The following PLXDC2 variants were observed in gnomAD, a reference collection of about 807,000 sequenced individuals.
PLXDC2 encodes the protein plexin domain containing 2, also known as plexin domain-containing protein 2.
In PLXDC2, 40 loss-of-function variants were observed where a neutral mutation model predicts 68.9. The ratio of observed to expected loss-of-function variants is 0.58; its 90% CI spans 0.45 to 0.76. The LOEUF (loss-of-function observed/expected upper bound fraction) is 0.76, where lower values mean the gene tolerates loss of function less well. PLXDC2 is among the 30% of genes least tolerant of loss of function. The pLI, the probability that PLXDC2 is intolerant of heterozygous loss-of-function variation, is 0.00. For synonymous variants in PLXDC2, 243 were observed against 234.2 expected, an observed-to-expected ratio of 1.04 and a Z score of -0.34; for missense variants, 644 against 661.9, an observed-to-expected ratio of 0.97 and a Z score of 0.30.
chr10:19,907,884 C>G (rs1397893291), intron 1 of PLXDC2, among the ~76,000 whole-genome samples: 1 of 152,188 alleles, frequency 6.6e-6, no homozygotes, highest in South Asian at 2.1e-4. Flanking sequence ...TTCAGAAAGT[C>G]TGTCGGCAAA....
chr10:20,251,017 T>G (rs1723625438), intron 13 of PLXDC2, among the ~76,000 whole-genome samples: 1 of 152,200 alleles, frequency 6.6e-6, no homozygotes, highest in Non-Finnish European at 1.5e-5. Flanking sequence ...AATGAGATAA[T>G]TAAGCAAATC....
At chr10:20,113,796 C>T (rs1833587921) in intron 4 of PLXDC2, among the ~76,000 whole-genome samples, 2 of 152,112 alleles carry the variant, frequency 1.3e-5, no homozygotes, top group African/African-American at 2.4e-5. Context: ...AGAAAACATT[C>T]TCCTTAATGT....
intron 4 of PLXDC2, among the ~76,000 whole-genome samples, chr10:20,083,469 TCC>T: frequency 1.2e-5 from 1 of 81,420 alleles, no homozygotes; most frequent in South Asian, 4.6e-4. Context: ...AGAGCGAGAC[TCC>T]GTCTCAAAAA....
rs188836671 is a variant in PLXDC2, at chr10:19,848,799, G to C, written c.112+31608G>C. Among the ~76,000 whole-genome samples the C allele has an allele frequency of 2.0e-5, 3 of 152,036 alleles. No individual in the cohort carries two copies. In the East Asian group the frequency reaches 5.8e-4, roughly 29 times the overall value. ...TGAATTTCATGAAGTGATGCTGTTT[G>C]CCTGTAAGGGTTTTGGAAGGGGAGG... On this transcript the variant is annotated intron_variant, in intron 1 of 13. Coordinates refer to ENST00000377252, the MANE Select transcript of PLXDC2 (RefSeq NM_032812.9).
In PLXDC2 at chr10:20,289,266, A is replaced by AGT; in HGVS notation, c.*9453_*9454dup. 6.6e-6 allele frequency: 1 copy of AGT among 152,208 alleles called. No individual in the cohort carries two copies. Among genetic ancestry groups the AGT allele is most frequent in the Admixed American group, 6.5e-5 (1 of 15,276 alleles). The allele number at this position is 152,208 out of a possible 1,614,324, so 9.4% of individuals were successfully genotyped here. A position where few individuals can be genotyped will look rare whatever the true frequency, so the allele number is the denominator to read the frequency against. On this transcript the variant is annotated 3_prime_UTR_variant, in exon 14 of 14. Transcript: ENST00000377252. ...GAAAACAAAGATTTCAGGATTGCAC[A>AGT]GTGTGTGGGCAATGGGATGGAGACT...
In PLXDC2 at chr10:20,284,312, C is replaced by CATATATATATATACATATATATAT. The variant is rs1348129132; in HGVS notation, c.*4506_*4507insCATATATATATATATATATATATA. ...GTGAGACCCATCTCTATCAAATATA[C>CATATATATATATACATATATATAT]ATATATATATATATATATACACACA... On this transcript the variant is annotated 3_prime_UTR_variant, in exon 14 of 14. Transcript: ENST00000377252. 132 of 125,244 alleles carry CATATATATATATACATATATATAT rather than the reference C, an allele frequency of 1.1e-3. No individual in the cohort carries two copies. Among genetic ancestry groups the CATATATATATATACATATATATAT allele is most frequent in the African/African-American group, 3.9e-3 (121 of 31,422 alleles). 7.8% of individuals were successfully genotyped at this position (125,244 alleles called of 1,614,324 possible).
rs144021316 is a variant in PLXDC2, at chr10:20,243,746, C to T, written c.1313-1599C>T. ...ACATAGAGGCAAATGGTAAAAATAA[C>T]GAAGAGGTAAATTGGTCATGAAATT... On this transcript the variant is annotated intron_variant, in intron 12 of 13. Coordinates refer to ENST00000377252, the MANE Select transcript of PLXDC2 (RefSeq NM_032812.9). 2.6e-4 allele frequency among the ~76,000 whole-genome samples: 39 copies of T among 152,058 alleles called. No homozygotes were observed. In the East Asian group the frequency reaches 5.2e-3, roughly 20 times the overall value.
intron 5 of PLXDC2, among the ~76,000 whole-genome samples, chr10:20,146,606 C>A (rs1036389710): frequency 7.0e-6 from 1 of 143,330 alleles, no homozygotes; most frequent in South Asian, 2.4e-4. Context: ...TCTTCACTCA[C>A]AGCAGTGATA....
At chr10:20,249,989 C>T (rs1001803390) in intron 13 of PLXDC2, among the ~76,000 whole-genome samples, 4 of 151,960 alleles carry the variant, frequency 2.6e-5, no homozygotes, top group Non-Finnish European at 4.4e-5. Flanking sequence ...GATGCTAGGC[C>T]GGGAGCGGTG....
At chr10:19,827,720 G>A (rs779798071) in intron 1 of PLXDC2, among the ~76,000 whole-genome samples, 12 of 151,758 alleles carry the variant, frequency 7.9e-5, no homozygotes, top group African/African-American at 2.2e-4. Context: ...CACCACACCC[G>A]GCTAATTTGT....
intron 1 of PLXDC2, among the ~76,000 whole-genome samples, chr10:19,851,432 C>T (rs1454048492): frequency 6.6e-6 from 1 of 152,192 alleles, no homozygotes; most frequent in Admixed American, 6.5e-5. Context: ...GTTTTAGTAC[C>T]TCTCTTGTCA....
chr10:20,182,445 C>T (rs1218162337), intron 9 of PLXDC2, among the ~76,000 whole-genome samples: 1 of 151,898 alleles, frequency 6.6e-6, no homozygotes, highest in Admixed American at 6.6e-5. Flanking sequence ...AAATTTGGTC[C>T]TTTTAATAGC....
chr10:20,187,677 C>G (rs1448798383), intron 9 of PLXDC2, among the ~76,000 whole-genome samples: 1 of 151,768 alleles, frequency 6.6e-6, no homozygotes, highest in African/African-American at 2.4e-5. Flanking sequence ...TTTTAGAAAA[C>G]ATCATCAAAA....
intron 1 of PLXDC2, among the ~76,000 whole-genome samples, chr10:19,945,171 A>C (rs1284809566): frequency 6.6e-6 from 1 of 152,184 alleles, no homozygotes; most frequent in Non-Finnish European, 1.5e-5. Context: ...GCTTTATGCC[A>C]AACTTAATTT....
chr10:20,008,567 T>A (rs962374386), intron 2 of PLXDC2, among the ~76,000 whole-genome samples: 10 of 151,948 alleles, frequency 6.6e-5, no homozygotes, highest in African/African-American at 2.4e-4. Context: ...AAAATAAAAA[T>A]AAAAAATGTG....
chr10:19,865,987 C>T (rs1334711618), intron 1 of PLXDC2, among the ~76,000 whole-genome samples: 1 of 152,166 alleles, frequency 6.6e-6, no homozygotes, highest in Non-Finnish European at 1.5e-5. Flanking sequence ...CACAAATTCA[C>T]ACTTTCCCCC....
At chr10:20,045,472 T>C (rs1389358164) in intron 2 of PLXDC2, among the ~76,000 whole-genome samples, 2 of 152,130 alleles carry the variant, frequency 1.3e-5, no homozygotes, top group Non-Finnish European at 2.9e-5. Context: ...TGCTAGGGTC[T>C]TCATTACATA....
chr10:20,176,954 A>G lies in PLXDC2; in HGVS notation c.884-45A>G, dbSNP rs774296301. On this transcript the variant is annotated intron_variant, in intron 7 of 13. Coordinates refer to ENST00000377252, the MANE Select transcript of PLXDC2 (RefSeq NM_032812.9). Reference sequence around the variant, plus strand: ...ATTATTAAAATGCTGTTGTTTTGTAAGCGAGGAAAGGTTAAAAATTGATTT... The same window carrying G: ...ATTATTAAAATGCTGTTGTTTTGTAGGCGAGGAAAGGTTAAAAATTGATTT... 5 of 1,384,746 alleles carry G rather than the reference A, an allele frequency of 3.6e-6. No individual in the cohort carries two copies. The Admixed American group carries it at 7.1e-5, about 20-fold the overall frequency. The allele number at this position is 1,384,746 out of a possible 1,614,324, so 85.8% of individuals were successfully genotyped here. A position where few individuals can be genotyped will look rare whatever the true frequency, so the allele number is the denominator to read the frequency against.
chr10:20,196,416 G>A (rs1834838258), intron 9 of PLXDC2, among the ~76,000 whole-genome samples: 1 of 152,136 alleles, frequency 6.6e-6, no homozygotes, highest in Non-Finnish European at 1.5e-5. Flanking sequence ...TAGGTGCCAT[G>A]GAGGGTATAG....
Sources: allele counts gnomAD v4.1 joint callset (sites outside exome capture counted in the v4.1 genomes callset), GRCh38; gene constraint gnomAD v4.1.1; transcripts MANE v1.5; gene names NCBI Gene and HGNC (gene_info 2026-07-23, HGNC 2026-07-21).